Variants in SNX29 observed in about 807,000 individuals in gnomAD.
SNX29 encodes the protein sorting nexin-29.
Under a neutral mutation model 102.1 loss-of-function variants are expected in SNX29, and 78 were observed. The ratio of observed to expected loss-of-function variants is 0.76; its 90% CI spans 0.64 to 0.92. The LOEUF (loss-of-function observed/expected upper bound fraction) is 0.92, where lower values mean the gene tolerates loss of function less well. Ranked by LOEUF, SNX29 falls within the 40% of genes least tolerant of loss-of-function variation. The pLI, the probability that SNX29 is intolerant of heterozygous loss-of-function variation, is 0.00. For synonymous variants in SNX29, 580 were observed against 414.5 expected (o/e 1.40, Z -4.85); for missense variants, 1,280 against 1,061.7 (o/e 1.21, Z -2.86).
Position 11,998,716 on chromosome 16 carries a change from A to T in SNX29, c.8-581A>T, listed in dbSNP as rs556011933. On this transcript the variant is annotated intron_variant, in intron 1 of 20. Transcript: ENST00000566228. Reference sequence around the variant, plus strand: ...TGAATGACTTTCCCAGAACTTTGGGAGCCACTTCTGCTTTCTTCTCATTGG... The same window carrying T: ...TGAATGACTTTCCCAGAACTTTGGGTGCCACTTCTGCTTTCTTCTCATTGG... Among the ~76,000 whole-genome samples the T allele has an allele frequency of 3.0e-4, 45 of 152,270 alleles. No homozygotes were observed. The South Asian group carries it at 6.0e-3, about 20-fold the overall frequency.
At chr16:12,283,418 C>T (rs1203388171) in intron 15 of SNX29, among the ~76,000 whole-genome samples, 2 of 151,242 alleles carry the variant, frequency 1.3e-5, no homozygotes, top group African/African-American at 2.4e-5. Flanking sequence ...CTCCTGGGTT[C>T]AAGCGCTTCT....
At chr16:12,376,665 A>T (rs2082883877) in intron 16 of SNX29, among the ~76,000 whole-genome samples, 1 of 140,288 alleles carries the variant, frequency 7.1e-6, no homozygotes, top group South Asian at 2.4e-4. Context: ...TGAACCTGGG[A>T]GGCAGAGGTT....
chr16:12,253,461 AT>A (rs2078479749), intron 14 of SNX29, among the ~76,000 whole-genome samples: 1 of 152,248 alleles, frequency 6.6e-6, no homozygotes, highest in South Asian at 2.1e-4. Context: ...AAAAGTCAAA[AT>A]AGAGAAGGTT....
intron 20 of SNX29, among the ~76,000 whole-genome samples, chr16:12,528,663 G>C (rs2076851267): frequency 6.6e-6 from 1 of 152,204 alleles, no homozygotes; most frequent in African/African-American, 2.4e-5. Context: ...ACATTTGGGT[G>C]GATCACCTGC....
At chr16:12,305,716 C>T (rs145008099) in intron 15 of SNX29, among the ~76,000 whole-genome samples, 1 of 152,280 alleles carries the variant, frequency 6.6e-6, no homozygotes, top group East Asian at 1.9e-4. Context: ...GTTGTGTATC[C>T]AGACTCCGAA....
At chr16:12,353,160 T>C (rs2082035887) in intron 15 of SNX29, among the ~76,000 whole-genome samples, 1 of 152,154 alleles carries the variant, frequency 6.6e-6, no homozygotes, top group Non-Finnish European at 1.5e-5. Flanking sequence ...CTCTCCTTTC[T>C]CCTCCCTAAG....
chr16:12,568,539 C>T lies in SNX29; in HGVS notation c.2352C>T (p.Ser784=), dbSNP rs1039644845. 1 of 1,609,714 alleles carries T rather than the reference C, an allele frequency of 6.2e-7. No homozygotes were observed. The highest frequency in any genetic ancestry group is 1.1e-5 in the South Asian group (1 of 91,072). Residue 784 remains serine, a synonymous_variant, in exon 21 of 21, where the codon AGC becomes AGT. Transcript: ENST00000566228. ...CCCCGCCCGGAGAGCCTGTGAACAG[C>T]CGGCCCAAAGCAGCTTCCCGCTTCC... is the stretch of plus-strand genomic sequence containing the variant. ...DITPPGEPVN[S]RPKAASRFPK... is the part of the protein sequence containing the mutation.
At chr16:12,072,845 A>G (rs1381507935) in intron 10 of SNX29, among the ~76,000 whole-genome samples, 1 of 151,950 alleles carries the variant, frequency 6.6e-6, no homozygotes, top group Non-Finnish European at 1.5e-5. Flanking sequence ...ACAATTTCAG[A>G]TCCTGTTATT....
intron 1 of SNX29, among the ~76,000 whole-genome samples, chr16:11,997,133 A>G (rs2056104441): frequency 1.3e-5 from 2 of 152,138 alleles, no homozygotes; most frequent in South Asian, 4.2e-4. Flanking sequence ...ATCCTATGTG[A>G]CTGACATCTG....
At chr16:12,455,580 T>A (rs2151732456) in intron 18 of SNX29, among the ~76,000 whole-genome samples, 1 of 152,342 alleles carries the variant, frequency 6.6e-6, no homozygotes, top group Non-Finnish European at 1.5e-5. Flanking sequence ...TCTTCCTCTG[T>A]CTTAGGTGAG....
At position 12,129,613 on chromosome 16, in the gene SNX29, G is replaced by T. The variant is rs774906541; in HGVS notation, c.1467-17G>T. The T allele has an allele frequency of 8.1e-6, 13 of 1,601,456 alleles. No homozygotes were observed. The East Asian group carries it at 2.7e-4, about 33-fold the overall frequency. On this transcript the variant is annotated splice_polypyrimidine_tract_variant and intron_variant, in intron 12 of 20. Transcript: ENST00000566228. ...TGGGTTGACAGCTTCTGAACAGATG[G>T]GTCCCTCTCTTCCCAGATCACTGCG...
chr16:12,377,537 G>T (rs1228883362), intron 16 of SNX29, among the ~76,000 whole-genome samples: 1 of 152,218 alleles, frequency 6.6e-6, no homozygotes, highest in Non-Finnish European at 1.5e-5. Context: ...CCTGGAAAGA[G>T]AGAGCATAGT....
intron 20 of SNX29, among the ~76,000 whole-genome samples, chr16:12,547,685 C>T (rs543655444): frequency 2.6e-5 from 4 of 152,234 alleles, no homozygotes; most frequent in South Asian, 4.2e-4. Context: ...TAAAACCTGG[C>T]CCCCGCGTTC....
At chr16:12,196,564 C>T (rs2076777997) in intron 13 of SNX29, among the ~76,000 whole-genome samples, 1 of 152,014 alleles carries the variant, frequency 6.6e-6, no homozygotes, top group Non-Finnish European at 1.5e-5. Flanking sequence ...TCTCAAATGT[C>T]CAACTCTGCC....
rs141255182 is a variant in SNX29 at position 11,992,315 on chromosome 16, A to C, written c.8-6982A>C. On this transcript the variant is annotated intron_variant, in intron 1 of 20. Transcript: ENST00000566228. Reference sequence around the variant, plus strand: ...TCTCTTAAATTTTTTTTTTTAATTGAGGTGAAATTCACAAAACAAAGAATT... The same window carrying C: ...TCTCTTAAATTTTTTTTTTTAATTGCGGTGAAATTCACAAAACAAAGAATT... Among the ~76,000 whole-genome samples the C allele has an allele frequency of 2.1e-3, 317 of 152,092 alleles. 1 individual carries two copies. The highest frequency in any genetic ancestry group is 7.3e-3 in the African/African-American group (304 of 41,460).
chr16:12,462,916 T>C (rs1464066412), intron 18 of SNX29, among the ~76,000 whole-genome samples: 1 of 152,198 alleles, frequency 6.6e-6, no homozygotes, highest in Admixed American at 6.5e-5. Context: ...GATGAAGTCA[T>C]ACTTCCTTTT....
chr16:12,277,355 T>C (rs754231602), intron 14 of SNX29, among the ~76,000 whole-genome samples: 3 of 152,042 alleles, frequency 2.0e-5, no homozygotes, highest in Non-Finnish European at 4.4e-5. Flanking sequence ...AGCTAAATGA[T>C]TGATTGTGCC....
chr16:12,465,994 C>G (rs568488602), intron 18 of SNX29, among the ~76,000 whole-genome samples: 147 of 152,100 alleles, frequency 9.7e-4, no homozygotes, highest in African/African-American at 3.2e-3. Context: ...AAGGATGTAC[C>G]TCAGCATAAG....
At chr16:12,403,654 C>G (rs571553048) in intron 18 of SNX29, 125 bp downstream of exon 18, 2 of 909,850 alleles carry the variant, frequency 2.2e-6, no homozygotes, top group East Asian at 5.3e-5. Context: ...CTTCCAGACA[C>G]CCACATCTTA....
Sources: allele counts gnomAD v4.1 joint callset (sites outside exome capture counted in the v4.1 genomes callset), GRCh38; gene constraint gnomAD v4.1.1; transcripts MANE v1.5; gene names NCBI Gene and HGNC (gene_info 2026-07-23, HGNC 2026-07-21).